TSPAN31: variants seen among roughly 807,000 people sequenced by gnomAD.
TSPAN31 encodes tetraspanin-31.
Under a neutral mutation model 24.8 loss-of-function variants are expected in TSPAN31, and 16 were observed. That is an observed-to-expected ratio of 0.64 (90% CI 0.44 to 0.98). TSPAN31 has a LOEUF of 0.98. Among genes scored for constraint, TSPAN31 ranks in the 50% least tolerant of loss-of-function variants. TSPAN31 has a pLI of 0.00. For missense variants in TSPAN31, 209 were observed against 251.6 expected, an observed-to-expected ratio of 0.83 and a Z score of 1.15; for synonymous variants, 87 against 91.4, an observed-to-expected ratio of 0.95 and a Z score of 0.27.
At chr12:57,746,754 G>A (rs1202288774) in intron 4 of TSPAN31, 34 bp downstream of exon 4, 3 of 1,613,292 alleles carry the variant, frequency 1.9e-6, no homozygotes, top group Middle Eastern at 1.7e-4. Flanking sequence ...GCAGCCAGGG[G>A]AGGTAGGAAA....
Position 57,748,708 on chromosome 12 carries a change from C to CTTCT in TSPAN31, c.*1420_*1421insCTTT, listed in dbSNP as rs1555201052. ...CCTGGGATGAGCTTTCTTCTTTTTT[C>CTTCT]TTTTTTTTTTTTTTTGAGACGGAGT... is the stretch of plus-strand genomic sequence containing the variant. On this transcript the variant is annotated 3_prime_UTR_variant, in exon 6 of 6. Coordinates refer to ENST00000257910, the MANE Select transcript of TSPAN31 (RefSeq NM_005981.5). The CTTCT allele has an allele frequency of 5.9e-3, 4,100 of 692,524 alleles. 23 individuals carry two copies. Among genetic ancestry groups the CTTCT allele is most frequent in the South Asian group, 0.044 (2,778 of 63,274 alleles). The allele number at this position is 692,524 out of a possible 1,614,324, so 42.9% of individuals were successfully genotyped here.
rs575489230 is a variant in TSPAN31, at chr12:57,749,124, C to T, written c.*1834C>T. ...ACAGTGGCCAGGGCCCTGCATACTG[C>T]TCTATTTCTTTCCCCAGTCTCTATT... On this transcript the variant is annotated 3_prime_UTR_variant, in exon 6 of 6. Transcript: ENST00000257910. 3 of 1,607,798 alleles carry T rather than the reference C, an allele frequency of 1.9e-6. No homozygotes were observed. The South Asian group carries it at 3.3e-5, about 18-fold the overall frequency.
rs1228267701 is a variant in TSPAN31, at chr12:57,748,602, T to A, written c.*1312T>A. On this transcript the variant is annotated 3_prime_UTR_variant, in exon 6 of 6. Coordinates refer to ENST00000257910, the MANE Select transcript of TSPAN31 (RefSeq NM_005981.5). ...AAGGCAGAGATTCGCTTGTGTGGGT[T>A]AAAAGTCAGCATTTCCTGAGGGGAG... 6.2e-7 allele frequency: 1 copy of A among 1,613,578 alleles called. No homozygotes were observed. Among genetic ancestry groups the A allele is most frequent in the Non-Finnish European group, 8.5e-7 (1 of 1,179,542 alleles).
rs1955201874 is a variant in TSPAN31, at chr12:57,749,269, C to G, written c.*1979C>G. On this transcript the variant is annotated 3_prime_UTR_variant, in exon 6 of 6. Transcript: ENST00000257910. ...CTCTGGGGGGAAAGGCTCCACGGGGCAGGGATACATCTCGAGGCCAGTCAT... is the reference window on the plus strand; with the variant it reads ...CTCTGGGGGGAAAGGCTCCACGGGGGAGGGATACATCTCGAGGCCAGTCAT... 1 of 1,614,078 alleles carries G rather than the reference C, an allele frequency of 6.2e-7. No individual in the cohort carries two copies. The highest frequency in any genetic ancestry group is 8.5e-7 in the Non-Finnish European group (1 of 1,180,014).
Position 57,749,953 on chromosome 12 carries a change from C to T in TSPAN31, c.*2663C>T. 9.7e-6 allele frequency: 2 copies of T among 206,016 alleles called. No homozygotes were observed. Among genetic ancestry groups the T allele is most frequent in the Non-Finnish European group, 9.9e-6 (1 of 101,416 alleles). 12.8% of individuals were successfully genotyped at this position (206,016 alleles called of 1,614,324 possible). A position where few individuals can be genotyped will look rare whatever the true frequency, so the allele number is the denominator to read the frequency against. Reference sequence around the variant, plus strand: ...TGGAGGTTGCAGTGAGCAGAGATCGCACTACTGCACTCCAGCCTGGCGACA... The same window carrying T: ...TGGAGGTTGCAGTGAGCAGAGATCGTACTACTGCACTCCAGCCTGGCGACA... On this transcript the variant is annotated 3_prime_UTR_variant, in exon 6 of 6. Coordinates refer to ENST00000257910, the MANE Select transcript of TSPAN31 (RefSeq NM_005981.5).
chr12:57,748,263 C>A lies in TSPAN31; in HGVS notation c.*973C>A. The A allele has an allele frequency of 3.7e-5, 14 of 378,064 alleles. No homozygotes were observed. Among genetic ancestry groups the A allele is most frequent in the East Asian group, 8.4e-5 (2 of 23,820 alleles). The allele number at this position is 378,064 out of a possible 1,614,324, so 23.4% of individuals were successfully genotyped here. On this transcript the variant is annotated 3_prime_UTR_variant, in exon 6 of 6. Transcript: ENST00000257910. Reference sequence around the variant, plus strand: ...CCATTATTTCTTTGTTTTGTTTTTCCTGTATAAAAAAGGACCCCAAATATA... The same window carrying A: ...CCATTATTTCTTTGTTTTGTTTTTCATGTATAAAAAAGGACCCCAAATATA...
rs374385068 is a variant in TSPAN31, at chr12:57,749,550, C to T, written c.*2260C>T. 32 of 1,575,286 alleles carry T rather than the reference C, an allele frequency of 2.0e-5. No homozygotes were observed. Among genetic ancestry groups the T allele is most frequent in the Non-Finnish European group, 2.7e-5 (31 of 1,145,056 alleles). On this transcript the variant is annotated 3_prime_UTR_variant, in exon 6 of 6. Coordinates refer to ENST00000257910, the MANE Select transcript of TSPAN31 (RefSeq NM_005981.5). Reference sequence around the variant, plus strand: ...AGGTAGCAGTCATTTTCAAAGATATCTTAGTTGAATGGTTACTGCTTAGTG... The same window carrying T: ...AGGTAGCAGTCATTTTCAAAGATATTTTAGTTGAATGGTTACTGCTTAGTG...
At position 57,748,985 on chromosome 12, in the gene TSPAN31, C is replaced by T. The variant is rs1465154908; in HGVS notation, c.*1695C>T. The T allele has an allele frequency of 2.7e-5, 19 of 702,042 alleles. No homozygotes were observed. Among genetic ancestry groups the T allele is most frequent in the Admixed American group, 7.6e-5 (3 of 39,356 alleles). 43.5% of individuals were successfully genotyped at this position (702,042 alleles called of 1,614,324 possible). On this transcript the variant is annotated 3_prime_UTR_variant, in exon 6 of 6. Coordinates refer to ENST00000257910, the MANE Select transcript of TSPAN31 (RefSeq NM_005981.5). ...CCTCCCAAAGTGCTGGGATTACAGG[C>T]GTGAGCCACCGTGCCCAGCCAGGAT...
At position 57,746,720 on chromosome 12, in the gene TSPAN31, AGT is replaced by A; in HGVS notation, c.444+2_444+3del. On this transcript the variant is annotated splice_donor_variant, in intron 4 of 5. Coordinates refer to ENST00000257910, the MANE Select transcript of TSPAN31 (RefSeq NM_005981.5). LOFTEE classifies it high-confidence loss of function. ...AACAAGATTATGATTTCTGCACTGC[AGT>A]GAGTGTGTTGGGGGTGGTGCAGCAG... 1 of 1,614,130 alleles carries A rather than the reference AGT, an allele frequency of 6.2e-7. No individual in the cohort carries two copies. Among genetic ancestry groups the A allele is most frequent in the Non-Finnish European group, 8.5e-7 (1 of 1,179,992 alleles).
chr12:57,748,757 G>C lies in TSPAN31; in HGVS notation c.*1467G>C, dbSNP rs1042240357. The C allele has an allele frequency of 1.5e-6, 1 of 663,538 alleles. No homozygotes were observed. The highest frequency in any genetic ancestry group is 2.7e-6 in the Non-Finnish European group (1 of 371,444). 41.1% of individuals were successfully genotyped at this position (663,538 alleles called of 1,614,324 possible). ...GTCTCGCTCTATCACCCAGGCTGGAGTGCAATGGTATGATCTCAGCTCACT... is the reference window on the plus strand; with the variant it reads ...GTCTCGCTCTATCACCCAGGCTGGACTGCAATGGTATGATCTCAGCTCACT... On this transcript the variant is annotated 3_prime_UTR_variant, in exon 6 of 6. Coordinates refer to ENST00000257910, the MANE Select transcript of TSPAN31 (RefSeq NM_005981.5).
chr12:57,745,263 TGG>T, intron 1 of TSPAN31, 46 bp downstream of exon 1: 2 of 1,586,366 alleles, frequency 1.3e-6, no homozygotes, highest in South Asian at 2.3e-5. Context: ...AAAGGCCCCG[TGG>T]GGAGAATCTC....
rs1955196156 is a variant in TSPAN31, at chr12:57,749,015, T to C, written c.*1725T>C. ...GCCACCGTGCCCAGCCAGGATGGGT[T>C]CTCTTCTATATCCTTCTCTGTGGGT... On this transcript the variant is annotated 3_prime_UTR_variant, in exon 6 of 6. Transcript: ENST00000257910. 2 of 900,584 alleles carry C rather than the reference T, an allele frequency of 2.2e-6. No individual in the cohort carries two copies. The highest frequency in any genetic ancestry group is 2.6e-5 in the East Asian group (1 of 39,144). 55.8% of individuals were successfully genotyped at this position (900,584 alleles called of 1,614,324 possible).
rs558492012 is a variant in TSPAN31, at chr12:57,749,587, G to T, written c.*2297G>T. On this transcript the variant is annotated 3_prime_UTR_variant, in exon 6 of 6. Coordinates refer to ENST00000257910, the MANE Select transcript of TSPAN31 (RefSeq NM_005981.5). The stretch of plus-strand genomic sequence containing the variant: ...GTTACTGCTTAGTGGCTCAAAATAG[G>T]AAGTATAGGGAATAAAGGCCAACAA... The T allele has an allele frequency of 1.5e-4, 200 of 1,323,658 alleles. 1 individual carries two copies. The highest frequency in any genetic ancestry group is 3.0e-4 in the South Asian group (25 of 82,810). The allele number at this position is 1,323,658 out of a possible 1,614,324, so 82.0% of individuals were successfully genotyped here.
At position 57,748,321 on chromosome 12, in the gene TSPAN31, C is replaced by A; in HGVS notation, c.*1031C>A. ...GGAAAGGGACAAGAGGGAACATACC[C>A]CTTAGTGTAGAGAAATGGGAAGGAG... On this transcript the variant is annotated 3_prime_UTR_variant, in exon 6 of 6. Transcript: ENST00000257910. 1.6e-6 allele frequency: 1 copy of A among 620,062 alleles called. No individual in the cohort carries two copies. The allele number at this position is 620,062 out of a possible 1,614,324, so 38.4% of individuals were successfully genotyped here.
chr12:57,746,464 G>A lies in TSPAN31; in HGVS notation c.313-125G>A, dbSNP rs762999291. 11 of 1,284,156 alleles carry A rather than the reference G, an allele frequency of 8.6e-6. No homozygotes were observed. In the African/African-American group the frequency reaches 1.6e-4, roughly 19 times the overall value. The allele number at this position is 1,284,156 out of a possible 1,614,324, so 79.5% of individuals were successfully genotyped here. On this transcript the variant is annotated intron_variant, in intron 3 of 5. Coordinates refer to ENST00000257910, the MANE Select transcript of TSPAN31 (RefSeq NM_005981.5). ...ACCTCAAAAGGTAGATATTTATCGT[G>A]TCTATAATTGTTGCACACCGTTATG...
chr12:57,747,233 A>G lies in TSPAN31; in HGVS notation c.576A>G (p.Leu192=). 2 of 1,614,222 alleles carry G rather than the reference A, an allele frequency of 1.2e-6. No homozygotes were observed. The highest frequency in any genetic ancestry group is 1.7e-6 in the Non-Finnish European group (2 of 1,180,040). ...TCCTACAGATCCTTGGTGTTTGGCT[A>G]GCAATGAGATTTCGGAATCAGAAGG... ...FSFTEILGVW[L]AMRFRNQKDP... is the part of the protein sequence containing the mutation. The change falls in exon 6 of 6, where the codon CTA becomes CTG. Residue 192 remains leucine, a synonymous_variant. Transcript: ENST00000257910.
At position 57,749,812 on chromosome 12, in the gene TSPAN31, C is replaced by T; in HGVS notation, c.*2522C>T. ...AAGAGATCGAGACCATCCTGGCCAA[C>T]ATGGTGAAACCCTGTCATTACTAAA... On this transcript the variant is annotated 3_prime_UTR_variant, in exon 6 of 6. Coordinates refer to ENST00000257910, the MANE Select transcript of TSPAN31 (RefSeq NM_005981.5). 1 of 427,738 alleles carries T rather than the reference C, an allele frequency of 2.3e-6. No individual in the cohort carries two copies. Among genetic ancestry groups the T allele is most frequent in the Non-Finnish European group, 4.3e-6 (1 of 232,382 alleles). 26.5% of individuals were successfully genotyped at this position (427,738 alleles called of 1,614,324 possible). A position where few individuals can be genotyped will look rare whatever the true frequency, so the allele number is the denominator to read the frequency against.
chr12:57,745,366 G>A, intron 1 of TSPAN31, 149 bp downstream of exon 1: 1 of 845,398 alleles, frequency 1.2e-6, no homozygotes, highest in Non-Finnish European at 1.8e-6. Context: ...GGGGACTTCC[G>A]TGGGAGAGAG....
rs757816996 is a variant in TSPAN31 at position 57,746,585 on chromosome 12, T to A, written c.313-4T>A. On this transcript the variant is annotated splice_polypyrimidine_tract_variant and splice_region_variant and intron_variant, in intron 3 of 5. Transcript: ENST00000257910. Reference sequence around the variant, plus strand: ...CTTAATTTCCCTCTACCCATATCTTTCAGACAGATGTCATCAATGCTTCTT... The same window carrying A: ...CTTAATTTCCCTCTACCCATATCTTACAGACAGATGTCATCAATGCTTCTT... 1.2e-6 allele frequency: 2 copies of A among 1,614,134 alleles called. No homozygotes were observed. The highest frequency in any genetic ancestry group is 2.2e-5 in the South Asian group (2 of 91,078).
Sources: allele counts gnomAD v4.1 joint callset, GRCh38; gene constraint gnomAD v4.1.1; transcripts MANE v1.5; gene names NCBI Gene and HGNC (gene_info 2026-07-23, HGNC 2026-07-21).